Variants in BANK1 observed in about 807,000 individuals in gnomAD.
BANK1 encodes B-cell scaffold protein with ankyrin repeats.
BANK1 carries 95 observed loss-of-function variants against 94.5 expected under a neutral mutation model. That is an observed-to-expected ratio of 1.00 (90% CI 0.85 to 1.19). The LOEUF is 1.19. Among genes scored for constraint, BANK1 ranks in the 50% most tolerant of loss-of-function variants. The pLI, the probability that BANK1 is intolerant of heterozygous loss-of-function variation, is 0.00. For missense variants in BANK1, 987 were observed against 932.2 expected, an observed-to-expected ratio of 1.06 and a Z score of -0.77; for synonymous variants, 334 against 308.4, an observed-to-expected ratio of 1.08 and a Z score of -0.87.
intron 13 of BANK1, among the ~76,000 whole-genome samples, chr4:102,069,912 TGCTGTAGTATTCCA>T (rs1342162984): frequency 6.6e-6 from 1 of 152,104 alleles, no homozygotes; most frequent in Non-Finnish European, 1.5e-5. Context: ...GAATACTACA[TGCTGTAGTATTCCA>T]TCTATCTGGA....
At chr4:101,890,825 G>A (rs1049674018) in intron 5 of BANK1, among the ~76,000 whole-genome samples, 19 of 149,368 alleles carry the variant, frequency 1.3e-4, no homozygotes, top group Non-Finnish European at 2.5e-4. Flanking sequence ...AACTTTTTAA[G>A]TTGTTGATGT....
At chr4:101,833,556 C>T (rs965164548) in intron 2 of BANK1, among the ~76,000 whole-genome samples, 1 of 152,168 alleles carries the variant, frequency 6.6e-6, no homozygotes, top group Non-Finnish European at 1.5e-5. Context: ...CTACAAGGTA[C>T]CCTTAGCCTT....
intron 7 of BANK1, among the ~76,000 whole-genome samples, chr4:102,003,409 G>T (rs1306415778): frequency 6.6e-6 from 1 of 152,142 alleles, no homozygotes; most frequent in African/African-American, 2.4e-5. Context: ...CTTTAAAAAT[G>T]GATTATTCCC....
intron 6 of BANK1, among the ~76,000 whole-genome samples, chr4:101,895,826 A>C (rs1320730320): frequency 6.6e-6 from 1 of 151,908 alleles, no homozygotes; most frequent in Non-Finnish European, 1.5e-5. Context: ...TTATAAATTT[A>C]TGCTTCCCGG....
chr4:102,073,876 T>A, intron 16 of BANK1, 128 bp downstream of exon 16: 1 of 696,850 alleles, frequency 1.4e-6, no homozygotes, highest in African/African-American at 1.8e-5. Context: ...AGGATTAACA[T>A]GTATTTTTCA....
chr4:102,002,383 C>A (rs1726106627), intron 7 of BANK1, among the ~76,000 whole-genome samples: 1 of 150,806 alleles, frequency 6.6e-6, no homozygotes, highest in South Asian at 2.1e-4. Context: ...AAAGAGGTAA[C>A]AATAGTACCA....
At chr4:101,897,982 A>T (rs1027904900) in intron 6 of BANK1, among the ~76,000 whole-genome samples, 1 of 143,962 alleles carries the variant, frequency 6.9e-6, no homozygotes, top group African/African-American at 2.5e-5. Flanking sequence ...TTATAAAATT[A>T]AAAAAAAACT....
At chr4:101,937,366 C>T (rs754070506) in intron 7 of BANK1, among the ~76,000 whole-genome samples, 1 of 151,602 alleles carries the variant, frequency 6.6e-6, no homozygotes, top group Non-Finnish European at 1.5e-5. Context: ...CCAGAATCTA[C>T]AAGGAACTTA....
chr4:102,071,111 G>A (rs903881553), intron 13 of BANK1, among the ~76,000 whole-genome samples, 164 bp from the exon 14 acceptor site: 2 of 152,154 alleles, frequency 1.3e-5, no homozygotes, highest in African/African-American at 4.8e-5. Flanking sequence ...ACTCACAGTG[G>A]CTGGAGGTAG....
chr4:101,847,198 AGTGTGTGTGTGT>A (rs10542109), intron 2 of BANK1, among the ~76,000 whole-genome samples: 186 of 147,674 alleles, frequency 1.3e-3, no homozygotes, highest in East Asian at 3.0e-3. Flanking sequence ...GGGTTGGCAG[AGTGTGTGTGTGT>A]GTGTGTGTGT....
In BANK1 at chr4:102,025,190, A is replaced by G. The variant is rs2035604; in HGVS notation, c.1286-11A>G. The G allele has an allele frequency of 0.11, 175,597 of 1,610,120 alleles. 10,684 individuals carry two copies. Among genetic ancestry groups the G allele is most frequent in the Admixed American group, 0.21 (12,433 of 59,870 alleles). On this transcript the variant is annotated splice_polypyrimidine_tract_variant and intron_variant, in intron 8 of 16. Transcript: ENST00000322953. ...GTTTAAATGAAATCATGCAATCTTC[A>G]TCATAAACAGCCACACAGAACCCAG...
chr4:101,813,189 G>A lies in BANK1; in HGVS notation c.71-16619G>A, dbSNP rs528563927. ...ATGTTAAATATTGTGTTCTTTGTCC[G>A]TAAATAGATGATTTGGCCCTCATCT... On this transcript the variant is annotated intron_variant, in intron 1 of 16. Transcript: ENST00000322953. Among the ~76,000 whole-genome samples, 169 of 152,110 alleles carry A rather than the reference G, an allele frequency of 1.1e-3. 1 individual carries two copies. The highest frequency in any genetic ancestry group is 1.9e-3 in the Non-Finnish European group (132 of 67,960).
chr4:102,047,214 C>T (rs78200954), intron 11 of BANK1, among the ~76,000 whole-genome samples: 2 of 152,106 alleles, frequency 1.3e-5, no homozygotes, highest in Non-Finnish European at 2.9e-5. Flanking sequence ...GAGTGATCCT[C>T]ACCCATCACT....
rs61067451 is a variant in BANK1 at position 101,998,486 on chromosome 4, G to A, written c.1207-23028G>A. 6.2e-3 allele frequency among the ~76,000 whole-genome samples: 940 copies of A among 152,218 alleles called. 13 individuals are homozygous for A. The highest frequency in any genetic ancestry group is 0.057 in the East Asian group (295 of 5,176). On this transcript the variant is annotated intron_variant, in intron 7 of 16. Transcript: ENST00000322953. ...AATATCCTTGTTAACTATCTGTCTT[G>A]TTGATCTGTCTACTATTGACAGTGG...
At chr4:102,019,670 G>C (rs1726823301) in intron 7 of BANK1, among the ~76,000 whole-genome samples, 1 of 152,146 alleles carries the variant, frequency 6.6e-6, no homozygotes, top group Non-Finnish European at 1.5e-5. Flanking sequence ...CATCTTTGAA[G>C]CCATCATTGA....
Position 101,862,674 on chromosome 4 carries a change from T to C in BANK1, c.763+10T>C. ...TGCATGAAAGCTTTAGGTAAGAATG[T>C]TTATGATTTAATAAGCATAAAACAT... On this transcript the variant is annotated intron_variant, in intron 4 of 16. Transcript: ENST00000322953. 6.3e-7 allele frequency: 1 copy of C among 1,587,630 alleles called. No homozygotes were observed.
intron 7 of BANK1, among the ~76,000 whole-genome samples, chr4:101,943,098 AG>A (rs1438717827): frequency 6.6e-6 from 1 of 151,942 alleles, no homozygotes; most frequent in Admixed American, 6.6e-5. Flanking sequence ...CAGAGGCTAA[AG>A]GTGAGAGAGA....
At chr4:102,018,222 C>A (rs754337891) in intron 7 of BANK1, among the ~76,000 whole-genome samples, 5 of 152,002 alleles carry the variant, frequency 3.3e-5, no homozygotes, top group Admixed American at 1.3e-4. Flanking sequence ...ATCTCTAATT[C>A]TTCAGCCTAG....
intron 2 of BANK1, among the ~76,000 whole-genome samples, chr4:101,832,135 G>A (rs1726646301): frequency 6.6e-6 from 1 of 152,226 alleles, no homozygotes; most frequent in Non-Finnish European, 1.5e-5. Context: ...GGTAGAGTTT[G>A]TCTGAGGACA....
Sources: gnomAD v4.1 joint callset for allele counts (sites outside exome capture counted in the v4.1 genomes callset) on GRCh38, gnomAD v4.1.1 for gene constraint, MANE v1.5 for transcripts, NCBI Gene and HGNC (gene_info 2026-07-23, HGNC 2026-07-21) for gene names.